The following LMTK2 variants were observed in gnomAD, a reference collection of about 807,000 sequenced individuals.
The protein encoded by LMTK2 is lemur tail kinase 2.
LMTK2 carries 37 observed loss-of-function variants against 127.5 expected under a neutral mutation model. That is an observed-to-expected ratio of 0.29 (90% CI 0.22 to 0.38). The LOEUF is 0.38. Among genes scored for constraint, LMTK2 ranks in the 10% least tolerant of loss-of-function variants. LMTK2 has a pLI of 1.00. For synonymous variants in LMTK2, 819 were observed against 810.1 expected (o/e 1.01, Z -0.19); for missense variants, 1,694 against 1,920.3 (o/e 0.88, Z 2.20).
chr7:98,160,001 G>T (rs1796989770), intron 6 of LMTK2, among the ~76,000 whole-genome samples: 1 of 152,180 alleles, frequency 6.6e-6, no homozygotes, highest in Non-Finnish European at 1.5e-5. Context: ...TGTTCTTTGT[G>T]CAGTTTCATG....
At chr7:98,203,847 T>C in intron 12 of LMTK2, 97 bp from the exon 13 acceptor site, 4 of 1,578,860 alleles carry the variant, frequency 2.5e-6, no homozygotes, top group African/African-American at 1.4e-5. Context: ...CGGGCCGGGC[T>C]GTGTCTTCCG....
intron 5 of LMTK2, among the ~76,000 whole-genome samples, chr7:98,159,124 G>T (rs1796975355): frequency 6.6e-6 from 1 of 152,126 alleles, no homozygotes; most frequent in African/African-American, 2.4e-5. Context: ...ATATTCACTT[G>T]ATTGGCTTTG....
intron 6 of LMTK2, among the ~76,000 whole-genome samples, chr7:98,169,364 A>T (rs1797151507): frequency 6.6e-6 from 1 of 152,256 alleles, no homozygotes; most frequent in Non-Finnish European, 1.5e-5. Context: ...AGACATTTTA[A>T]GAACAGTGAG....
chr7:98,140,094 C>A (rs1796655429), intron 2 of LMTK2, among the ~76,000 whole-genome samples: 1 of 2,476 alleles, frequency 4.0e-4, no homozygotes, highest in African/African-American at 1.4e-3. Context: ...TTCTTTCTTT[C>A]TTTCTTTCTT....
chr7:98,166,770 C>A lies in LMTK2; in HGVS notation c.658-4771C>A, dbSNP rs1584274811. Among the ~76,000 whole-genome samples, 3 of 152,210 alleles carry A rather than the reference C, an allele frequency of 2.0e-5. No individual in the cohort carries two copies. The East Asian group carries it at 5.8e-4, about 29-fold the overall frequency. On this transcript the variant is annotated intron_variant, in intron 6 of 13. Transcript: ENST00000297293. ...CTCTGTAGCCTCAGGGTGCAGTAGG[C>A]TGACCATCTAGGTTCATGTAAGTAT...
Position 98,194,273 on chromosome 7 carries a change from G to A in LMTK2, c.3808G>A (p.Gly1270Arg), listed in dbSNP as rs781426092. The A allele has an allele frequency of 8.1e-6, 13 of 1,614,174 alleles. No individual in the cohort carries two copies. The highest frequency in any genetic ancestry group is 2.2e-5 in the South Asian group (2 of 91,082). The change falls in exon 11 of 14, where the codon GGG becomes AGG. Residue 1270 changes from glycine (G) to arginine (R), a missense_variant. Gly to Arg is a moderately radical substitution (Grantham distance 125). This residue lies in a region of LMTK2 where 554 missense variants were observed against 567.7 expected (regional missense o/e 0.98). Transcript: ENST00000297293. The surrounding 1 kb of genome is among the most constrained non-coding windows in gnomAD (Gnocchi z 5.4). ...DIEGKYLGKL[G>R]VSGMLDLSED... ...CGAAGGGAAGTACCTGGGGAAACTC[G>A]GGGTGTCAGGGATGCTCGACCTCTC...
chr7:98,182,513 A>T (rs1241327252), intron 7 of LMTK2, among the ~76,000 whole-genome samples: 1 of 152,214 alleles, frequency 6.6e-6, no homozygotes, highest in Non-Finnish European at 1.5e-5. Flanking sequence ...AGGAAAATCC[A>T]AGTCAATTTC....
chr7:98,115,906 A>G (rs1309251975), intron 1 of LMTK2, among the ~76,000 whole-genome samples: 1 of 152,194 alleles, frequency 6.6e-6, no homozygotes, highest in African/African-American at 2.4e-5. Context: ...TTTGTTTAAG[A>G]GACAAAGTCT....
rs114318250 is a variant in LMTK2, at chr7:98,143,621, G to A, written c.376+2080G>A. Reference sequence around the variant, plus strand: ...TAAAGATGAAAAGAAATGACACCAGGTAGTGATTGGCGAGCATGTGGAGAG... The same window carrying A: ...TAAAGATGAAAAGAAATGACACCAGATAGTGATTGGCGAGCATGTGGAGAG... On this transcript the variant is annotated intron_variant, in intron 3 of 13. Coordinates refer to ENST00000297293, the MANE Select transcript of LMTK2 (RefSeq NM_014916.4). 7.9e-3 allele frequency among the ~76,000 whole-genome samples: 1,201 copies of A among 152,288 alleles called. 17 individuals are homozygous for A. Among genetic ancestry groups the A allele is most frequent in the African/African-American group, 0.027 (1,116 of 41,556 alleles).
chr7:98,107,206 GGCTGCTGCT>G lies in LMTK2; in HGVS notation c.40_48del (p.Leu14_Leu16del), dbSNP rs146333850. 1.7e-5 allele frequency: 25 copies of G among 1,455,766 alleles called. No homozygotes were observed. The highest frequency in any genetic ancestry group is 6.7e-5 in the South Asian group (5 of 75,090). The allele number at this position is 1,455,766 out of a possible 1,614,324, so 90.2% of individuals were successfully genotyped here. On this transcript the variant is annotated inframe_deletion, in exon 1 of 14. Coordinates refer to ENST00000297293, the MANE Select transcript of LMTK2 (RefSeq NM_014916.4). ...CCGGGGCCGCCGGCGTTGCGGCGGA[GGCTGCTGCT>G]GCTGCTGCTGGTCCTCCTGATCGCC... is the stretch of plus-strand genomic sequence containing the variant.
chr7:98,191,317 G>T lies in LMTK2; in HGVS notation c.1149-297G>T, dbSNP rs7800943. 1.2e-3 allele frequency among the ~76,000 whole-genome samples: 185 copies of T among 152,224 alleles called. 1 individual carries two copies. The highest frequency in any genetic ancestry group is 4.1e-3 in the African/African-American group (169 of 41,566). On this transcript the variant is annotated intron_variant, in intron 10 of 13. Transcript: ENST00000297293. ...CCCTGTAATCCCAGCACTTTGGGAG[G>T]CTGAGGTGGGCAGATCACGAGGTGA...
chr7:98,170,852 A>C (rs1797176471), intron 6 of LMTK2, among the ~76,000 whole-genome samples: 1 of 152,166 alleles, frequency 6.6e-6, no homozygotes, highest in Non-Finnish European at 1.5e-5. Flanking sequence ...GGAGCCCTGC[A>C]GTGTCATGGC....
In LMTK2 at chr7:98,151,419, C is replaced by T. The variant is rs1796853301; in HGVS notation, c.414C>T (p.Asn138=). The T allele has an allele frequency of 1.9e-6, 3 of 1,613,892 alleles. No homozygotes were observed. Among genetic ancestry groups the T allele is most frequent in the Non-Finnish European group, 2.5e-6 (3 of 1,179,814 alleles). ...LKSQVARHSL[N]YIQEIGNGWF... Reference sequence around the variant, plus strand: ...CTCAAGTTGCCCGCCACAGTCTAAACTACATACAGGAAATTGGAAATGGCT... The same window carrying T: ...CTCAAGTTGCCCGCCACAGTCTAAATTACATACAGGAAATTGGAAATGGCT... The change falls in exon 4 of 14, where the codon AAC becomes AAT. Residue 138 remains asparagine (N), a synonymous_variant. Transcript: ENST00000297293.
At chr7:98,185,166 G>C in intron 8 of LMTK2, 31 bp downstream of exon 8, 1 of 1,463,480 alleles carries the variant, frequency 6.8e-7, no homozygotes, top group Non-Finnish European at 9.6e-7. Context: ...TTTTCAGTCT[G>C]ATTTAATTTG....
chr7:98,195,414 T>C (rs1378428121), intron 11 of LMTK2, among the ~76,000 whole-genome samples: 4 of 151,958 alleles, frequency 2.6e-5, no homozygotes, highest in African/African-American at 9.7e-5. Context: ...TGTGCACTGC[T>C]GAGTGGGCAT....
rs1797543827 is a variant in LMTK2 at position 98,192,427 on chromosome 7, A to C, written c.1962A>C (p.Leu654Phe). 1 of 1,612,518 alleles carries C rather than the reference A, an allele frequency of 6.2e-7. No homozygotes were observed. Among genetic ancestry groups the C allele is most frequent in the East Asian group, 2.2e-5 (1 of 44,874 alleles). The part of the protein sequence containing the change: ...DLPSHQKIFD[L>F]MELNGVQADF... ...CCAGTCACCAAAAAATATTCGACTT[A>C]ATGGAATTAAACGGAGTTCAAGCCG... Residue 654 changes from leucine to phenylalanine, a missense_variant, in exon 11 of 14, where the codon TTA becomes TTC. Physicochemically the swap from Leu to Phe is conservative, Grantham distance 22. Coordinates refer to ENST00000297293, the MANE Select transcript of LMTK2 (RefSeq NM_014916.4).
intron 3 of LMTK2, among the ~76,000 whole-genome samples, chr7:98,143,648 A>G (rs1199666314): frequency 6.6e-6 from 1 of 152,202 alleles, no homozygotes; most frequent in Non-Finnish European, 1.5e-5. Context: ...TGTGGAGAGC[A>G]GCAGGCAGTC....
Position 98,193,368 on chromosome 7 carries a change from T to A in LMTK2, c.2903T>A (p.Leu968His). 1 of 1,614,074 alleles carries A rather than the reference T, an allele frequency of 6.2e-7. No individual in the cohort carries two copies. Among genetic ancestry groups the A allele is most frequent in the Non-Finnish European group, 8.5e-7 (1 of 1,180,010 alleles). The change falls in exon 11 of 14, where the codon CTC becomes CAC. Residue 968 changes from leucine (L) to histidine (H), a missense_variant. Leu to His is a moderately conservative substitution (Grantham distance 99). Around this residue, in one of 8 missense-constraint regions of LMTK2, gnomAD observed 527 missense variants for 539.8 expected, o/e 0.98. Coordinates refer to ENST00000297293, the MANE Select transcript of LMTK2 (RefSeq NM_014916.4). This position sits in a 1 kb window ranked among gnomAD's most constrained non-coding sequence, Gnocchi z 4.1. ...AAAGAAGCAGGCTTGGTGTCTGCCCTCTCCTCGGACTCAACCAGTCAGGAC... is the reference window on the plus strand; with the variant it reads ...AAAGAAGCAGGCTTGGTGTCTGCCCACTCCTCGGACTCAACCAGTCAGGAC... Reference protein sequence around the residue: ...AAKEAGLVSALSSDSTSQDSL... With the variant: ...AAKEAGLVSAHSSDSTSQDSL...
intron 3 of LMTK2, among the ~76,000 whole-genome samples, chr7:98,143,358 A>G (rs1019330894): frequency 7.2e-5 from 11 of 152,360 alleles, no homozygotes; most frequent in African/African-American, 2.6e-4. Context: ...AAAATGAAAT[A>G]TTCTGTATAG....
Sources: allele counts gnomAD v4.1 joint callset (sites outside exome capture counted in the v4.1 genomes callset), GRCh38; gene constraint gnomAD v4.1.1; regional missense constraint gnomAD v4.1.1; non-coding constraint Gnocchi (gnomAD v3.1); transcripts MANE v1.5; gene names NCBI Gene and HGNC (gene_info 2026-07-23, HGNC 2026-07-21).